SOHLH1: variants seen among roughly 807,000 people sequenced by gnomAD.
SOHLH1 encodes the protein spermatogenesis and oogenesis specific basic helix-loop-helix 1, also known as spermatogenesis- and oogenesis-specific basic helix-loop-helix-containing protein 1.
A neutral mutation model predicts 36.2 loss-of-function variants in SOHLH1; 23 were observed. That is an observed-to-expected ratio of 0.64 (90% CI 0.46 to 0.90). SOHLH1 has a LOEUF of 0.90. SOHLH1 is among the 40% of genes least tolerant of loss of function. SOHLH1 has a pLI of 0.00. For synonymous variants in SOHLH1, 289 were observed against 228.3 expected, an observed-to-expected ratio of 1.27 and a Z score of -2.40; for missense variants, 608 against 517.0, an observed-to-expected ratio of 1.18 and a Z score of -1.71.
At position 135,693,678 on chromosome 9, in the gene SOHLH1, C is replaced by T. The variant is rs370957447; in HGVS notation, c.1083G>A (p.Pro361=). 1.6e-5 allele frequency: 25 copies of T among 1,583,112 alleles called. No homozygotes were observed. Among genetic ancestry groups the T allele is most frequent in the African/African-American group, 2.7e-5 (2 of 74,130 alleles). Residue 361 remains proline (P), a synonymous_variant, in exon 8 of 8, where the codon CCG becomes CCA. Coordinates refer to ENST00000425225, the MANE Select transcript of SOHLH1 (RefSeq NM_001101677.2). ...SQELQDSPLE[P]WGLDVDCAGL... is the part of the protein sequence containing the mutation. Reference sequence around the variant, plus strand: ...CTGCACAGTCCACATCCAGGCCCCACGGCTCCAGAGGGCTGTCCTGGAGCT... The same window carrying T: ...CTGCACAGTCCACATCCAGGCCCCATGGCTCCAGAGGGCTGTCCTGGAGCT...
intron 2 of SOHLH1, 119 bp downstream of exon 2, chr9:135,698,876 C>T (rs1227410412): frequency 6.9e-7 from 1 of 1,444,130 alleles, no homozygotes; most frequent in African/African-American, 1.4e-5. Flanking sequence ...CTGTCCTTCT[C>T]CTGGGCACAG....
rs761793940 is a variant in SOHLH1 at position 135,699,144 on chromosome 9, A to C, written c.66-18T>G. The stretch of plus-strand genomic sequence containing the variant: ...GGGAGCCGCTGCCGAGAAAGCCAAG[A>C]GCACCGGGCCCTGAGAACCCCAGAA... On this transcript the variant is annotated intron_variant, in intron 1 of 7. Transcript: ENST00000425225. 20 of 1,583,870 alleles carry C rather than the reference A, an allele frequency of 1.3e-5. No homozygotes were observed. The highest frequency in any genetic ancestry group is 1.7e-5 in the Non-Finnish European group (20 of 1,168,612).
rs758832369 is a variant in SOHLH1 at position 135,697,548 on chromosome 9, G to C, written c.425C>G (p.Ala142Gly). 6 of 1,612,480 alleles carry C rather than the reference G, an allele frequency of 3.7e-6. No homozygotes were observed. The South Asian group carries it at 6.6e-5, about 18-fold the overall frequency. The change falls in exon 4 of 8, where the codon GCA (alanine) becomes GGA (glycine). Residue 142 changes from alanine to glycine, a missense_variant. By Grantham distance (60) the Ala-to-Gly change is moderately conservative. Coordinates refer to ENST00000425225, the MANE Select transcript of SOHLH1 (RefSeq NM_001101677.2). ...LQLTLSSQIQ[A>G]GVPDPGTGAS... Reference sequence around the variant, plus strand: ...TCCCGTCCCAGGGTCTGGCACACCTGCTTGAATCTGACTCGACAACGTCAA... The same window carrying C: ...TCCCGTCCCAGGGTCTGGCACACCTCCTTGAATCTGACTCGACAACGTCAA...
At chr9:135,697,743 G>A (rs935537699) in intron 3 of SOHLH1, 116 bp from the exon 4 acceptor site, 14 of 1,287,338 alleles carry the variant, frequency 1.1e-5, no homozygotes, top group Admixed American at 3.9e-5. Flanking sequence ...CTCGGTCCCC[G>A]CTTGGAACTT....
chr9:135,695,395 C>T, intron 5 of SOHLH1, 132 bp from the exon 6 acceptor site: 2 of 777,672 alleles, frequency 2.6e-6, no homozygotes, highest in South Asian at 3.1e-5. Context: ...CACCCTGCAG[C>T]AGGGACACGT....
upstream of SOHLH1, among the ~76,000 whole-genome samples, chr9:135,700,927 T>G (rs2131301966): frequency 6.6e-6 from 1 of 152,246 alleles, no homozygotes; most frequent in South Asian, 2.1e-4. Context: ...CCTCGGAATG[T>G]CATCAAACCT....
intron 5 of SOHLH1, among the ~76,000 whole-genome samples, 200 bp from the exon 6 acceptor site, chr9:135,695,463 G>A (rs567965): frequency 0.87 from 132,081 of 152,052 alleles, 58,019 homozygotes; most frequent in East Asian, 0.98. Context: ...TGAACACCCA[G>A]AGGTGGGGTG....
At chr9:135,701,336 C>T (rs902179707), upstream of SOHLH1, among the ~76,000 whole-genome samples, 70 of 152,158 alleles carry the variant, frequency 4.6e-4, no homozygotes, top group African/African-American at 1.6e-3. Context: ...ACATGGCATG[C>T]GCCCTCCAAA....
In SOHLH1 at chr9:135,697,643, A is replaced by G. The variant is rs1389251796; in HGVS notation, c.346-16T>C. The G allele has an allele frequency of 3.1e-6, 5 of 1,607,726 alleles. No individual in the cohort carries two copies. The highest frequency in any genetic ancestry group is 2.7e-5 in the African/African-American group (2 of 74,950). Reference sequence around the variant, plus strand: ...AAGCAAGAATCTGAAATTTAAGTAAACATGTAAAACAAAGACAGAGACAGT... The same window carrying G: ...AAGCAAGAATCTGAAATTTAAGTAAGCATGTAAAACAAAGACAGAGACAGT... On this transcript the variant is annotated splice_polypyrimidine_tract_variant and intron_variant, in intron 3 of 7. Transcript: ENST00000425225.
chr9:135,699,792 C>T (rs1834972071), upstream of SOHLH1, among the ~76,000 whole-genome samples: 1 of 151,844 alleles, frequency 6.6e-6, no homozygotes. Context: ...CGCCTCGGTT[C>T]CCACTTATGC....
chr9:135,693,679 G>C lies in SOHLH1; in HGVS notation c.1082C>G (p.Pro361Arg). The change falls in exon 8 of 8, where the codon CCG becomes CGG. Residue 361 changes from proline (P) to arginine (R), a missense_variant. By Grantham distance (103) the Pro-to-Arg change is moderately radical. Coordinates refer to ENST00000425225, the MANE Select transcript of SOHLH1 (RefSeq NM_001101677.2). ...SQELQDSPLEPWGLDVDCAGL... is the reference protein window; with the variant it reads ...SQELQDSPLERWGLDVDCAGL... ...TGCACAGTCCACATCCAGGCCCCACGGCTCCAGAGGGCTGTCCTGGAGCTC... is the reference window on the plus strand; with the variant it reads ...TGCACAGTCCACATCCAGGCCCCACCGCTCCAGAGGGCTGTCCTGGAGCTC... 1.3e-6 allele frequency: 2 copies of C among 1,580,902 alleles called. No individual in the cohort carries two copies. The highest frequency in any genetic ancestry group is 1.7e-6 in the Non-Finnish European group (2 of 1,164,212).
chr9:135,695,533 G>A lies in SOHLH1; in HGVS notation c.662-270C>T, dbSNP rs1351319308. Among the ~76,000 whole-genome samples the A allele has an allele frequency of 3.3e-5, 5 of 152,124 alleles. No homozygotes were observed. In the East Asian group the frequency reaches 9.6e-4, roughly 29 times the overall value. Reference sequence around the variant, plus strand: ...GGTGCTGGCTTGGCCAGCCGCAAGGGGCTTGGATCTGGGGACCCTCTCAGC... The same window carrying A: ...GGTGCTGGCTTGGCCAGCCGCAAGGAGCTTGGATCTGGGGACCCTCTCAGC... On this transcript the variant is annotated intron_variant, in intron 5 of 7. Transcript: ENST00000425225.
In SOHLH1 at chr9:135,695,104, G is replaced by GC; in HGVS notation, c.820dup (p.Ala274GlyfsTer25). The GC allele has an allele frequency of 6.3e-7, 1 of 1,598,172 alleles. No homozygotes were observed. The highest frequency in any genetic ancestry group is 8.5e-7 in the Non-Finnish European group (1 of 1,174,760). On this transcript the variant is annotated frameshift_variant, in exon 6 of 8. Transcript: ENST00000425225. LOFTEE classifies it high-confidence loss of function. ...CTTGGCTGGCTCCCCCAGAGGTGCA[G>GC]CCCCCATGGCCAGGGGCCCAGCCTG...
chr9:135,694,776 A>C (rs1180755684), intron 6 of SOHLH1, among the ~76,000 whole-genome samples: 1 of 144,738 alleles, frequency 6.9e-6, no homozygotes, highest in Admixed American at 6.9e-5. Context: ...TGTGCTCACG[A>C]AACACAAACT....
In SOHLH1 at chr9:135,696,622, G is replaced by C. The variant is rs758671144; in HGVS notation, c.651C>G (p.Pro217=). ...ACACCCAGGACTCACCTGAGAAAGGGGGCAGCCCACCCCGCACCTGGCACA... is the reference window on the plus strand; with the variant it reads ...ACACCCAGGACTCACCTGAGAAAGGCGGCAGCCCACCCCGCACCTGGCACA... The part of the protein sequence containing the change: ...LGLCQVRGGL[P]PFSEPSSLVP... Residue 217 remains proline, a synonymous_variant, in exon 5 of 8, where the codon CCC becomes CCG. Transcript: ENST00000425225. The C allele has an allele frequency of 6.0e-5, 96 of 1,612,222 alleles. No homozygotes were observed. The highest frequency in any genetic ancestry group is 7.0e-5 in the Non-Finnish European group (83 of 1,179,708).
chr9:135,699,595 G>A (rs1311044998), upstream of SOHLH1: 8 of 900,910 alleles, frequency 8.9e-6, no homozygotes, highest in East Asian at 1.7e-4. Context: ...CTTGCAATCC[G>A]CCCCCATAGC....
At chr9:135,694,664 T>C (rs1424045404) in intron 6 of SOHLH1, among the ~76,000 whole-genome samples, 1 of 152,034 alleles carries the variant, frequency 6.6e-6, no homozygotes, top group Non-Finnish European at 1.5e-5. Context: ...CGGGTCCCGA[T>C]CCGTCCTGCA....
chr9:135,696,297 G>A (rs545246834), intron 5 of SOHLH1, among the ~76,000 whole-genome samples: 28 of 151,842 alleles, frequency 1.8e-4, no homozygotes, highest in Non-Finnish European at 3.8e-4. Context: ...TCCCTTCCCT[G>A]GAGCACATGG....
Position 135,696,822 on chromosome 9 carries a change from G to C in SOHLH1, c.468-17C>G. 6.2e-7 allele frequency: 1 copy of C among 1,612,618 alleles called. No individual in the cohort carries two copies. Among genetic ancestry groups the C allele is most frequent in the Non-Finnish European group, 8.5e-7 (1 of 1,179,864 alleles). On this transcript the variant is annotated splice_polypyrimidine_tract_variant and intron_variant, in intron 4 of 7. Transcript: ENST00000425225. ...TCTGGGGTTCTAGAAGGAGCAACATGACAAGGATCCTGGGTCTATTCCCCA... is the reference window on the plus strand; with the variant it reads ...TCTGGGGTTCTAGAAGGAGCAACATCACAAGGATCCTGGGTCTATTCCCCA...
Sources: allele counts gnomAD v4.1 joint callset (sites outside exome capture counted in the v4.1 genomes callset), GRCh38; gene constraint gnomAD v4.1.1; transcripts MANE v1.5; gene names NCBI Gene and HGNC (gene_info 2026-07-23, HGNC 2026-07-21).